ADAMTS17: variants seen among roughly 807,000 people sequenced by gnomAD.
The protein encoded by ADAMTS17 is ADAM metallopeptidase with thrombospondin type 1 motif 17.
Under a neutral mutation model 141.5 loss-of-function variants are expected in ADAMTS17, and 113 were observed. The observed-to-expected ratio is 0.80, with a 90% CI of 0.69 to 0.93. ADAMTS17 has a LOEUF of 0.93. ADAMTS17 is among the 40% of genes least tolerant of loss of function. ADAMTS17 has a pLI of 0.00. For synonymous variants in ADAMTS17, 768 were observed against 630.6 expected (o/e 1.22, Z -3.27); for missense variants, 1,659 against 1,517.9 (o/e 1.09, Z -1.54).
At chr15:100,073,466 A>G (rs1654964929) in intron 15 of ADAMTS17, among the ~76,000 whole-genome samples, 2 of 152,068 alleles carry the variant, frequency 1.3e-5, no homozygotes, top group Non-Finnish European at 2.9e-5. Context: ...ATGCACACGT[A>G]TGTTTATTGC....
At chr15:99,975,966 G>C (rs1163078245) in intron 21 of ADAMTS17, 79 bp downstream of exon 21, 2 of 1,449,170 alleles carry the variant, frequency 1.4e-6, no homozygotes, top group Admixed American at 2.3e-5. Context: ...CTGGCTGAAA[G>C]AACCTCACCG....
intron 12 of ADAMTS17, among the ~76,000 whole-genome samples, chr15:100,122,075 T>C (rs780307628): frequency 3.4e-4 from 52 of 152,292 alleles, no homozygotes; most frequent in Non-Finnish European, 6.5e-4. Context: ...AAAACTGTGG[T>C]AGCAGCTACT....
intron 15 of ADAMTS17, among the ~76,000 whole-genome samples, chr15:100,081,290 C>T (rs1164452795): frequency 6.6e-6 from 1 of 152,200 alleles, no homozygotes; most frequent in African/African-American, 2.4e-5. Flanking sequence ...TGCTCCTCAG[C>T]TTGCGGACAG....
intron 12 of ADAMTS17, among the ~76,000 whole-genome samples, chr15:100,120,143 GAGGAAGCACC>G (rs1312588518): frequency 2.0e-5 from 3 of 152,216 alleles, no homozygotes; most frequent in African/African-American, 7.2e-5. Context: ...GAGAGCTGAG[GAGGAAGCACC>G]AGGAATCCAG....
intron 3 of ADAMTS17, among the ~76,000 whole-genome samples, chr15:100,319,641 T>G (rs966980428): frequency 2.3e-4 from 35 of 151,742 alleles, no homozygotes; most frequent in Non-Finnish European, 1.8e-4. Context: ...ACCCAGGAAG[T>G]GGAGGTTACA....
intron 11 of ADAMTS17, among the ~76,000 whole-genome samples, chr15:100,132,809 GC>G (rs1815593975): frequency 2.0e-5 from 3 of 152,114 alleles, no homozygotes; most frequent in Admixed American, 1.3e-4. Context: ...CATCTCTCCT[GC>G]ACATGAGGAA....
At chr15:100,084,075 G>A (rs2034928882) in intron 15 of ADAMTS17, among the ~76,000 whole-genome samples, 1 of 152,160 alleles carries the variant, frequency 6.6e-6, no homozygotes, top group Non-Finnish European at 1.5e-5. Context: ...AAAGGGGTCA[G>A]GGAATTCCCC....
At position 100,155,284 on chromosome 15, in the gene ADAMTS17, G is replaced by A. The variant is rs144918276; in HGVS notation, c.1218C>T (p.Cys406=). 15 of 1,614,110 alleles carry A rather than the reference G, an allele frequency of 9.3e-6. No individual in the cohort carries two copies. The highest frequency in any genetic ancestry group is 5.3e-5 in the African/African-American group (4 of 75,058). ...GMNHDDDHSS[C]AGRSHIMSGE... is the part of the protein sequence containing the mutation. The stretch of plus-strand genomic sequence containing the variant: ...CTGACATGATGTGGGACCTGCCAGC[G>A]CAAGATGAGTGGTCATCGTCGTGGT... Residue 406 remains cysteine (C), a synonymous_variant, in exon 9 of 22, where the codon TGC becomes TGT. Transcript: ENST00000268070.
intron 2 of ADAMTS17, among the ~76,000 whole-genome samples, chr15:100,332,263 C>T (rs1411633127): frequency 6.6e-6 from 1 of 152,240 alleles, no homozygotes; most frequent in African/African-American, 2.4e-5. Context: ...AGTTTGTTCA[C>T]TAGGAAACTT....
intron 10 of ADAMTS17, among the ~76,000 whole-genome samples, chr15:100,147,454 G>A (rs1251135103): frequency 1.3e-5 from 2 of 152,098 alleles, no homozygotes; most frequent in Non-Finnish European, 2.9e-5. Context: ...ATTGCTCCTA[G>A]GCCACAAACC....
At chr15:100,001,525 C>T (rs970977539) in intron 18 of ADAMTS17, among the ~76,000 whole-genome samples, 5 of 152,036 alleles carry the variant, frequency 3.3e-5, no homozygotes, top group African/African-American at 9.7e-5. Flanking sequence ...ATGTGGGTGA[C>T]GATGATGTCG....
At chr15:100,316,418 C>G (rs942429251) in intron 3 of ADAMTS17, among the ~76,000 whole-genome samples, 1 of 152,226 alleles carries the variant, frequency 6.6e-6, no homozygotes, top group Non-Finnish European at 1.5e-5. Flanking sequence ...CCGTGGGTCA[C>G]GTCTGGGGAG....
Position 100,097,181 on chromosome 15 carries a change from G to T in ADAMTS17, c.2017-705C>A, listed in dbSNP as rs186438773. On this transcript the variant is annotated intron_variant, in intron 14 of 21. Coordinates refer to ENST00000268070, the MANE Select transcript of ADAMTS17 (RefSeq NM_139057.4). Reference sequence around the variant, plus strand: ...GACTCTTTTTTTCTTTTTTAAAAAAGTGAGAATTTTGTATCCTGCAAAATA... The same window carrying T: ...GACTCTTTTTTTCTTTTTTAAAAAATTGAGAATTTTGTATCCTGCAAAATA... Among the ~76,000 whole-genome samples the T allele has an allele frequency of 3.3e-3, 503 of 152,282 alleles. 4 individuals are homozygous for T. Among genetic ancestry groups the T allele is most frequent in the African/African-American group, 0.012 (491 of 41,554 alleles).
At position 100,066,602 on chromosome 15, in the gene ADAMTS17, G is replaced by C. The variant is rs189647590; in HGVS notation, c.2138-12548C>G. Among the ~76,000 whole-genome samples the C allele has an allele frequency of 9.0e-4, 137 of 152,230 alleles. 1 individual carries two copies. The highest frequency in any genetic ancestry group is 6.8e-3 in the Middle Eastern group (2 of 294). On this transcript the variant is annotated intron_variant, in intron 15 of 21. Coordinates refer to ENST00000268070, the MANE Select transcript of ADAMTS17 (RefSeq NM_139057.4). ...TCTTCATTGACATTCTCTTGGCTTT[G>C]AGAAATGGTGTTCTTGGGCATTTGA... is the stretch of plus-strand genomic sequence containing the variant.
chr15:100,056,241 C>T (rs182907494), intron 15 of ADAMTS17, among the ~76,000 whole-genome samples: 51 of 152,292 alleles, frequency 3.3e-4, no homozygotes, highest in African/African-American at 1.2e-3. Flanking sequence ...TTCTTTCAAG[C>T]TTTCTGCAGG....
chr15:100,200,422 G>C (rs928265665), intron 7 of ADAMTS17, among the ~76,000 whole-genome samples: 2 of 152,068 alleles, frequency 1.3e-5, no homozygotes, highest in Non-Finnish European at 2.9e-5. Context: ...CCGCACTTCT[G>C]GGGGCTGACT....
Position 100,262,587 on chromosome 15 carries a change from T to C in ADAMTS17, c.790-152A>G, listed in dbSNP as rs2043563005. 5.1e-6 allele frequency: 3 copies of C among 583,456 alleles called. No homozygotes were observed. In the Admixed American group the frequency reaches 8.9e-5, roughly 17 times the overall value. 36.1% of individuals were successfully genotyped at this position (583,456 alleles called of 1,614,324 possible). On this transcript the variant is annotated intron_variant, in intron 4 of 21. Transcript: ENST00000268070. ...GTAGACTTTAGTTTATAACACTGTA[T>C]CAGTATTGGTGCATTAATTACAAGA...
chr15:100,148,288 T>C (rs112464034), intron 10 of ADAMTS17, among the ~76,000 whole-genome samples: 18 of 152,248 alleles, frequency 1.2e-4, no homozygotes, highest in African/African-American at 3.6e-4. Context: ...AGACTTTGAG[T>C]GTATCTAAAT....
chr15:100,250,765 A>G (rs904332515), intron 7 of ADAMTS17, among the ~76,000 whole-genome samples: 1 of 152,174 alleles, frequency 6.6e-6, no homozygotes, highest in Admixed American at 6.5e-5. Flanking sequence ...GGGTCCGTCC[A>G]TTTCCTGGTT....
Sources: gnomAD v4.1 joint callset for allele counts (sites outside exome capture counted in the v4.1 genomes callset) on GRCh38, gnomAD v4.1.1 for gene constraint, MANE v1.5 for transcripts, NCBI Gene and HGNC (gene_info 2026-07-23, HGNC 2026-07-21) for gene names.